Variants in CHKB observed in about 807,000 individuals in gnomAD.
The protein encoded by CHKB is choline kinase beta, also known as choline/ethanolamine kinase.
A neutral mutation model predicts 57.3 loss-of-function variants in CHKB; 45 were observed. That is an observed-to-expected ratio of 0.79 (90% CI 0.62 to 1.01). CHKB has a LOEUF of 1.01. Ranked by LOEUF, CHKB falls within the 50% of genes least tolerant of loss-of-function variation. The probability of loss-of-function intolerance (pLI) is 0.00; values close to 1 mark genes in which losing one functional copy is unlikely to be tolerated. For missense variants in CHKB, 517 were observed against 502.8 expected (o/e 1.03, Z -0.27); for synonymous variants, 224 against 201.8 (o/e 1.11, Z -0.93).
At chr22:50,582,113 G>C in intron 2 of CHKB, 136 bp downstream of exon 2, 1 of 885,308 alleles carries the variant, frequency 1.1e-6, no homozygotes, top group South Asian at 1.5e-5. Flanking sequence ...TACAGGCCCA[G>C]GCTTCGGTGT....
In CHKB at chr22:50,580,249, C is replaced by A; in HGVS notation, c.759G>T (p.Glu253Asp). The A allele has an allele frequency of 1.2e-6, 2 of 1,614,004 alleles. No homozygotes were observed. Among genetic ancestry groups the A allele is most frequent in the South Asian group, 1.1e-5 (1 of 91,088 alleles). Residue 253 changes from glutamate to aspartate, a missense_variant, in exon 7 of 11, where the codon GAG becomes GAT. Transcript: ENST00000406938. ...IQEGNILLLS[E>D]PENADSLMLV... ...GCATGAGGCTGTCAGCATTTTCTGG[C>A]TCTGAGAGCAGCAAGATGTTCCCTG...
intron 8 of CHKB, 53 bp downstream of exon 8, chr22:50,579,921 C>T: frequency 6.3e-7 from 1 of 1,596,658 alleles, no homozygotes; most frequent in Non-Finnish European, 8.6e-7. Flanking sequence ...CAGACTCCAC[C>T]TCCCTCCTTC....
chr22:50,581,907 G>A (rs2070699178), intron 2 of CHKB, 45 bp from the exon 3 acceptor site: 3 of 1,547,284 alleles, frequency 1.9e-6, no homozygotes, highest in South Asian at 1.1e-5. Context: ...AAGTGGCACA[G>A]GGACACACAT....
At chr22:50,581,153 T>C (rs562792961) in intron 4 of CHKB, among the ~76,000 whole-genome samples, 4 of 152,346 alleles carry the variant, frequency 2.6e-5, no homozygotes, top group Admixed American at 1.3e-4. Context: ...CAGGCTGAAG[T>C]GCAATGGCAT....
chr22:50,581,682 T>C (rs946000794), intron 3 of CHKB, 67 bp downstream of exon 3: 46 of 1,577,158 alleles, frequency 2.9e-5, no homozygotes, highest in Non-Finnish European at 4.0e-5. Context: ...AGGCAGACAT[T>C]GGGCACTGGG....
Position 50,579,168 on chromosome 22 carries a change from T to A in CHKB, c.*13A>T. On this transcript the variant is annotated 3_prime_UTR_variant, in exon 11 of 11. Transcript: ENST00000406938. ...GAGGCTCCAGGAGAAATCCAAGGAG[T>A]GGGAGGGTGGAGTCAGGATGAGGAG... 6.2e-7 allele frequency: 1 copy of A among 1,611,330 alleles called. No homozygotes were observed. The highest frequency in any genetic ancestry group is 1.1e-5 in the South Asian group (1 of 90,688).
chr22:50,581,550 GACTCT>G lies in CHKB; in HGVS notation c.448-2_450del, dbSNP rs1182913126. On this transcript the variant is annotated splice_acceptor_variant and coding_sequence_variant, in exon 4 of 11. Coordinates refer to ENST00000406938, the MANE Select transcript of CHKB (RefSeq NM_005198.5). LOFTEE classifies it high-confidence loss of function. Reference sequence around the variant, plus strand: ...CGAAGCTCTTGAGTTTTCAATGGCCGACTCTGCACCCAGGAAGCTATCAGGGTGGT... The same window carrying G: ...CGAAGCTCTTGAGTTTTCAATGGCCGGCACCCAGGAAGCTATCAGGGTGGT... 1 of 1,613,810 alleles carries G rather than the reference GACTCT, an allele frequency of 6.2e-7. No homozygotes were observed. The highest frequency in any genetic ancestry group is 2.2e-5 in the East Asian group (1 of 44,900).
rs1210507135 is a variant in CHKB, at chr22:50,580,204, G to A, written c.804C>T (p.Ser268=). 6.2e-7 allele frequency: 1 copy of A among 1,613,880 alleles called. No individual in the cohort carries two copies. Among genetic ancestry groups the A allele is most frequent in the East Asian group, 2.2e-5 (1 of 44,880 alleles). ...DSLMLVDFEY[S]SYNYRGFDIG... is the part of the protein sequence containing the mutation. ...TCCAGCCTCACCTATAGTTATAACT[G>A]CTGTACTCGAAGTCCACCAGCATGA... Residue 268 remains serine (S), a synonymous_variant, in exon 7 of 11, where the codon AGC becomes AGT. Coordinates refer to ENST00000406938, the MANE Select transcript of CHKB (RefSeq NM_005198.5).
At chr22:50,579,393 C>A in intron 10 of CHKB, 33 bp downstream of exon 10, 2 of 1,602,852 alleles carry the variant, frequency 1.2e-6, no homozygotes, top group African/African-American at 1.3e-5. Flanking sequence ...CCCCAGCCCC[C>A]CAGCTAGCAT....
At chr22:50,580,318 C>T (rs757296475) in intron 6 of CHKB, 40 bp downstream of exon 6, 1 of 1,613,752 alleles carries the variant, frequency 6.2e-7, no homozygotes, top group East Asian at 2.2e-5. Flanking sequence ...CCCTCTGGCT[C>T]TTCCATCTTG....
At chr22:50,580,143 G>A in intron 7 of CHKB, 47 bp downstream of exon 7, 4 of 1,613,148 alleles carry the variant, frequency 2.5e-6, no homozygotes, top group Non-Finnish European at 3.4e-6. Flanking sequence ...CTGTTTTCAA[G>A]AGCCCTATGG....
Position 50,580,343 on chromosome 22 carries a change from G to C in CHKB, c.736+15C>G. ...CTTCCATCTTGGGTTAGGAGACTCAGATGCCTTCTCCTACCTTCCTGGATG... is the reference window on the plus strand; with the variant it reads ...CTTCCATCTTGGGTTAGGAGACTCACATGCCTTCTCCTACCTTCCTGGATG... On this transcript the variant is annotated intron_variant, in intron 6 of 10. Transcript: ENST00000406938. The C allele has an allele frequency of 6.2e-7, 1 of 1,614,012 alleles. No homozygotes were observed. The highest frequency in any genetic ancestry group is 8.5e-7 in the Non-Finnish European group (1 of 1,179,966).
chr22:50,582,566 G>C lies in CHKB; in HGVS notation c.216C>G (p.Tyr72Ter), dbSNP rs80067609. ...GACCCCTGACCTCCCACCTCACGGG[G>C]TAAACCCTCAGCTCCTCGGGCTGCA... Reference protein sequence around the residue: ...RRVQPEELRVYPVSGGLSNLL... With the variant: ...RRVQPEELRV Residue 72 changes from tyrosine to a stop codon, truncating the protein, a stop_gained, in exon 1 of 11, where the codon TAC (tyrosine) becomes TAG (stop). Coordinates refer to ENST00000406938, the MANE Select transcript of CHKB (RefSeq NM_005198.5). LOFTEE classifies it high-confidence loss of function. 1.2e-6 allele frequency: 2 copies of C among 1,609,034 alleles called. No homozygotes were observed. Among genetic ancestry groups the C allele is most frequent in the Non-Finnish European group, 1.7e-6 (2 of 1,178,396 alleles).
rs368142650 is a variant in CHKB at position 50,581,800 on chromosome 22, C to T, written c.396G>A (p.Gly132=). Residue 132 remains glycine (G), a synonymous_variant, in exon 3 of 11, where the codon GGG becomes GGA. Coordinates refer to ENST00000406938, the MANE Select transcript of CHKB (RefSeq NM_005198.5). ...CTGGGAAGACTCCGTACAGCTGGGG[C>T]CCCAGCGACCGCTCCGCAAGTATGG... The part of the protein sequence containing the change: ...MFAILAERSL[G]PQLYGVFPEG... 31 of 1,613,752 alleles carry T rather than the reference C, an allele frequency of 1.9e-5. No homozygotes were observed. The highest frequency in any genetic ancestry group is 2.5e-5 in the Non-Finnish European group (29 of 1,180,004).
intron 8 of CHKB, 38 bp downstream of exon 8, chr22:50,579,936 C>G (rs1179239172): frequency 6.3e-7 from 1 of 1,599,502 alleles, no homozygotes; most frequent in South Asian, 1.1e-5. Context: ...TCCTTCCTCA[C>G]AGGATGGGTC....
rs1312357475 is a variant in CHKB, at chr22:50,579,655, G to A, written c.1031+72C>T. Reference sequence around the variant, plus strand: ...TCCACAGCCACCTTCCCTGCAGCTTGATAAATCTGCCTCTTCCCCAATCCC... The same window carrying A: ...TCCACAGCCACCTTCCCTGCAGCTTAATAAATCTGCCTCTTCCCCAATCCC... On this transcript the variant is annotated intron_variant, in intron 9 of 10. Coordinates refer to ENST00000406938, the MANE Select transcript of CHKB (RefSeq NM_005198.5). The A allele has an allele frequency of 1.7e-5, 25 of 1,510,706 alleles. No homozygotes were observed. In the Admixed American group the frequency reaches 4.2e-4, roughly 25 times the overall value. The allele number at this position is 1,510,706 out of a possible 1,614,324, so 93.6% of individuals were successfully genotyped here. A position where few individuals can be genotyped will look rare whatever the true frequency, so the allele number is the denominator to read the frequency against.
In CHKB at chr22:50,582,798, G is replaced by C. The variant is rs1231369509; in HGVS notation, c.-17C>G. 3.9e-6 allele frequency: 6 copies of C among 1,547,764 alleles called. No individual in the cohort carries two copies. Among genetic ancestry groups the C allele is most frequent in the Admixed American group, 1.9e-5 (1 of 51,632 alleles). On this transcript the variant is annotated 5_prime_UTR_variant, in exon 1 of 11. Transcript: ENST00000406938. ...GGCCGCCATGGCGCGGGCTCGACCGGGCCCCAGGCCAGGCTGCGCTCCGCT... is the reference window on the plus strand; with the variant it reads ...GGCCGCCATGGCGCGGGCTCGACCGCGCCCCAGGCCAGGCTGCGCTCCGCT...
chr22:50,582,020 G>C (rs1343848310), intron 2 of CHKB, 158 bp from the exon 3 acceptor site: 1 of 785,108 alleles, frequency 1.3e-6, no homozygotes, highest in African/African-American at 1.7e-5. Context: ...TTAGAGATGG[G>C]GGTCTCACTA....
chr22:50,579,767 G>C lies in CHKB; in HGVS notation c.991C>G (p.Gln331Glu), dbSNP rs747586997. The C allele has an allele frequency of 3.7e-6, 6 of 1,613,762 alleles. No homozygotes were observed. The highest frequency in any genetic ancestry group is 5.1e-6 in the Non-Finnish European group (6 of 1,179,990). Residue 331 changes from glutamine to glutamate, a missense_variant, in exon 9 of 11, where the codon CAG becomes GAG. Coordinates refer to ENST00000406938, the MANE Select transcript of CHKB (RefSeq NM_005198.5). Reference protein sequence around the residue: ...KKGETLSQEEQRKLEEDLLVE... With the variant: ...KKGETLSQEEERKLEEDLLVE... ...AGCAAATCTTCTTCCAGTTTTCTCT[G>C]CTCCTCTTGGGAGAGGGTCTCACCT...
Sources: gnomAD v4.1 joint callset for allele counts (sites outside exome capture counted in the v4.1 genomes callset) on GRCh38, gnomAD v4.1.1 for gene constraint, MANE v1.5 for transcripts, NCBI Gene and HGNC (gene_info 2026-07-23, HGNC 2026-07-21) for gene names.